GNA14: variants seen among roughly 807,000 people sequenced by gnomAD.
GNA14 encodes G protein subunit alpha 14, also known as guanine nucleotide-binding protein subunit alpha-14.
In GNA14, 50 loss-of-function variants were observed where a neutral mutation model predicts 42.0. The ratio of observed to expected loss-of-function variants is 1.19; its 90% CI spans 0.95 to 1.51. GNA14 has a LOEUF of 1.51. Among genes scored for constraint, GNA14 ranks in the 40% most tolerant of loss-of-function variants. GNA14 has a pLI of 0.00. For missense variants in GNA14, 473 were observed against 446.2 expected (o/e 1.06, Z -0.54); for synonymous variants, 173 against 163.1 (o/e 1.06, Z -0.46).
At position 77,439,151 on chromosome 9, in the gene GNA14, C is replaced by T. The variant is rs143786146; in HGVS notation, c.310-4629G>A. On this transcript the variant is annotated intron_variant, in intron 2 of 6. Transcript: ENST00000341700. ...GCAAGGGTCTGTTCTTTAGTCAAGA[C>T]ATTATGAGGATGGCTGGTGGAGAGA... is the stretch of plus-strand genomic sequence containing the variant. 5.7e-3 allele frequency among the ~76,000 whole-genome samples: 866 copies of T among 152,240 alleles called. 11 individuals are homozygous for T. Among genetic ancestry groups the T allele is most frequent in the African/African-American group, 0.02 (835 of 41,530 alleles).
At position 77,436,529 on chromosome 9, in the gene GNA14, C is replaced by A. The variant is rs1361415022; in HGVS notation, c.310-2007G>T. Among the ~76,000 whole-genome samples, 2 of 152,142 alleles carry A rather than the reference C, an allele frequency of 1.3e-5. 1 individual carries two copies. Among genetic ancestry groups the A allele is most frequent in the African/African-American group, 4.8e-5 (2 of 41,430 alleles). On this transcript the variant is annotated intron_variant, in intron 2 of 6. Transcript: ENST00000341700. Reference sequence around the variant, plus strand: ...CACTGGCATGCTGCATGTCACGGACCCTATTCTTGGCTGGCGAGAATGATG... The same window carrying A: ...CACTGGCATGCTGCATGTCACGGACACTATTCTTGGCTGGCGAGAATGATG...
intron 1 of GNA14, among the ~76,000 whole-genome samples, chr9:77,581,815 T>G (rs1449194669): frequency 6.6e-6 from 1 of 152,128 alleles, no homozygotes. Flanking sequence ...ATCATCCAAC[T>G]TCATCTGTTG....
At chr9:77,474,374 A>G (rs1362027296) in intron 2 of GNA14, among the ~76,000 whole-genome samples, 1 of 136,232 alleles carries the variant, frequency 7.3e-6, no homozygotes, top group Non-Finnish European at 1.5e-5. Flanking sequence ...GAAGATACAC[A>G]AATGGCTGAC....
intron 2 of GNA14, among the ~76,000 whole-genome samples, chr9:77,496,188 A>G (rs144257370): frequency 1.2e-3 from 182 of 152,316 alleles, no homozygotes; most frequent in African/African-American, 4.1e-3. Flanking sequence ...TCAGATAATG[A>G]TAGTGGAAAA....
At chr9:77,581,913 C>A (rs1823230275) in intron 1 of GNA14, among the ~76,000 whole-genome samples, 1 of 152,164 alleles carries the variant, frequency 6.6e-6, no homozygotes, top group African/African-American at 2.4e-5. Context: ...AAATCTGGAA[C>A]CTCAGAACCG....
intron 1 of GNA14, among the ~76,000 whole-genome samples, chr9:77,545,778 T>C (rs545821238): frequency 2.6e-5 from 4 of 152,334 alleles, no homozygotes; most frequent in African/African-American, 9.6e-5. Flanking sequence ...CTCTTCTCCC[T>C]GTTACTACTA....
At chr9:77,564,295 T>TAAA (rs1327717683) in intron 1 of GNA14, among the ~76,000 whole-genome samples, 1 of 82,878 alleles carries the variant, frequency 1.2e-5, no homozygotes, top group Non-Finnish European at 3.0e-5. Context: ...GCAGCACAAT[T>TAAA]TAAAAAAAAA....
intron 1 of GNA14, among the ~76,000 whole-genome samples, chr9:77,614,183 G>C (rs185907690): frequency 1.1e-3 from 170 of 152,236 alleles, no homozygotes; most frequent in Non-Finnish European, 1.5e-3. Context: ...TTCTCTTGTA[G>C]CTCTGCCTTC....
chr9:77,465,189 T>A (rs12002853), intron 2 of GNA14, among the ~76,000 whole-genome samples: 2,355 of 152,342 alleles, frequency 0.015, 75 homozygotes, highest in African/African-American at 0.052. Flanking sequence ...CCCCTTTTCC[T>A]AGCCCTGGGC....
chr9:77,645,333 C>T (rs1824336106), intron 1 of GNA14, among the ~76,000 whole-genome samples: 1 of 152,210 alleles, frequency 6.6e-6, no homozygotes, highest in African/African-American at 2.4e-5. Context: ...AAATGGTGCA[C>T]ATCCTCCCCT....
chr9:77,636,422 T>G (rs181081523), intron 1 of GNA14, among the ~76,000 whole-genome samples: 3 of 152,348 alleles, frequency 2.0e-5, no homozygotes, highest in Non-Finnish European at 4.4e-5. Flanking sequence ...AACAGGAGTA[T>G]TACTCTTTGG....
chr9:77,623,050 A>G (rs1823953927), intron 1 of GNA14, among the ~76,000 whole-genome samples: 1 of 151,200 alleles, frequency 6.6e-6, no homozygotes, highest in Non-Finnish European at 1.5e-5. Context: ...CCCTGACTCT[A>G]CTAAAAATAG....
chr9:77,592,804 T>C (rs1373527318), intron 1 of GNA14, among the ~76,000 whole-genome samples: 4 of 152,208 alleles, frequency 2.6e-5, no homozygotes, highest in Admixed American at 6.5e-5. Flanking sequence ...TCTTGCTTTA[T>C]TGCCCTTCCT....
chr9:77,527,855 G>A (rs187582594), intron 2 of GNA14, among the ~76,000 whole-genome samples: 122 of 152,224 alleles, frequency 8.0e-4, no homozygotes, highest in Non-Finnish European at 1.1e-3. Context: ...GGCTGGTCTC[G>A]AACTCCTGAC....
intron 1 of GNA14, among the ~76,000 whole-genome samples, chr9:77,544,306 CCACA>C (rs1258925623): frequency 1.3e-5 from 2 of 152,114 alleles, no homozygotes; most frequent in Non-Finnish European, 2.9e-5. Context: ...TAAAAACAAA[CCACA>C]CAAAGTATAA....
At chr9:77,537,677 T>C (rs1314532833) in intron 1 of GNA14, among the ~76,000 whole-genome samples, 1 of 152,238 alleles carries the variant, frequency 6.6e-6, no homozygotes, top group African/African-American at 2.4e-5. Flanking sequence ...ATAGTGGTTA[T>C]ATTAGTTTAC....
intron 2 of GNA14, among the ~76,000 whole-genome samples, chr9:77,470,748 G>A (rs774161922): frequency 6.6e-6 from 1 of 152,186 alleles, no homozygotes; most frequent in African/African-American, 2.4e-5. Context: ...TCCACAGGCT[G>A]TACAAGAAGC....
intron 1 of GNA14, among the ~76,000 whole-genome samples, chr9:77,646,539 C>A (rs978028128): frequency 6.6e-6 from 1 of 152,102 alleles, no homozygotes; most frequent in African/African-American, 2.4e-5. Context: ...TGGCTGAGAG[C>A]CTTCTCTATA....
At chr9:77,489,724 C>T (rs1026384377) in intron 2 of GNA14, among the ~76,000 whole-genome samples, 1 of 151,940 alleles carries the variant, frequency 6.6e-6, no homozygotes. Flanking sequence ...TAAGGCAGCG[C>T]GTCTGGAGTT....
Sources: gnomAD v4.1 joint callset for allele counts (sites outside exome capture counted in the v4.1 genomes callset) on GRCh38, gnomAD v4.1.1 for gene constraint, MANE v1.5 for transcripts, NCBI Gene and HGNC (gene_info 2026-07-23, HGNC 2026-07-21) for gene names.